Variants in CNTNAP2 observed in about 807,000 individuals in gnomAD.
CNTNAP2 encodes the protein contactin associated protein 2.
A neutral mutation model predicts 155.2 loss-of-function variants in CNTNAP2; 98 were observed. The ratio of observed to expected loss-of-function variants is 0.63; its 90% confidence interval spans 0.54 to 0.75. The LOEUF is 0.75. CNTNAP2 is among the 30% of genes least tolerant of loss of function. The pLI is 0.00. For synonymous variants in CNTNAP2, 651 were observed against 631.2 expected, an observed-to-expected ratio of 1.03 and a Z score of -0.47; for missense variants, 1,727 against 1,688.1, an observed-to-expected ratio of 1.02 and a Z score of -0.40.
At chr7:147,464,124 G>A (rs1172065952) in intron 10 of CNTNAP2, among the ~76,000 whole-genome samples, 6 of 152,100 alleles carry the variant, frequency 3.9e-5, no homozygotes, top group Admixed American at 3.3e-4. Flanking sequence ...AAGGATCTCT[G>A]ATTGGCAGCT....
At chr7:146,770,571 A>T (rs1240572760) in intron 1 of CNTNAP2, among the ~76,000 whole-genome samples, 1 of 151,912 alleles carries the variant, frequency 6.6e-6, no homozygotes, top group Admixed American at 6.6e-5. Flanking sequence ...AAAATTGCTT[A>T]TTGGCCCTGA....
At chr7:146,500,034 G>GT (rs894968454) in intron 1 of CNTNAP2, among the ~76,000 whole-genome samples, 1 of 152,072 alleles carries the variant, frequency 6.6e-6, no homozygotes, top group African/African-American at 2.4e-5. Flanking sequence ...TATTGCTAGT[G>GT]TTTTTTTATA....
At position 148,101,718 on chromosome 7, in the gene CNTNAP2, T is replaced by G. The variant is rs192653187; in HGVS notation, c.2384-16400T>G. The stretch of plus-strand genomic sequence containing the variant: ...AGAATGCAACATGTTTCAAAGCTGC[T>G]GTGCTCTGGGTGGCTGTCAGACTGT... On this transcript the variant is annotated intron_variant, in intron 15 of 23. Coordinates refer to ENST00000361727, the MANE Select transcript of CNTNAP2 (RefSeq NM_014141.6). Among the ~76,000 whole-genome samples, 749 of 152,200 alleles carry G rather than the reference T, an allele frequency of 4.9e-3. 5 individuals carry two copies. In the Middle Eastern group the frequency reaches 0.061, roughly 12 times the overall value.
chr7:146,802,555 C>G (rs989569953), intron 2 of CNTNAP2, among the ~76,000 whole-genome samples: 1 of 152,054 alleles, frequency 6.6e-6, no homozygotes, highest in Non-Finnish European at 1.5e-5. Flanking sequence ...TGAGTGAGTT[C>G]TCAGGAGATC....
At chr7:146,822,274 G>A (rs1184720010) in intron 2 of CNTNAP2, among the ~76,000 whole-genome samples, 4 of 151,982 alleles carry the variant, frequency 2.6e-5, no homozygotes, top group African/African-American at 7.3e-5. Context: ...TGAACAATGA[G>A]ATCACATGGA....
chr7:146,628,185 G>A (rs953692281), intron 1 of CNTNAP2, among the ~76,000 whole-genome samples: 7 of 152,106 alleles, frequency 4.6e-5, no homozygotes, highest in African/African-American at 1.7e-4. Flanking sequence ...ACCTCAGCAT[G>A]CAGACAATAT....
At chr7:146,650,624 G>A (rs1008929654) in intron 1 of CNTNAP2, among the ~76,000 whole-genome samples, 1 of 152,034 alleles carries the variant, frequency 6.6e-6, no homozygotes, top group African/African-American at 2.4e-5. Context: ...AAACCACCAC[G>A]CAGTTGTATA....
chr7:146,248,232 G>C (rs1799696262), intron 1 of CNTNAP2, among the ~76,000 whole-genome samples: 1 of 151,934 alleles, frequency 6.6e-6, no homozygotes, highest in African/African-American at 2.4e-5. Context: ...CCCTCCTCTA[G>C]AAAAGCAGGA....
At chr7:147,272,099 G>A (rs1050989222) in intron 8 of CNTNAP2, among the ~76,000 whole-genome samples, 84 of 152,108 alleles carry the variant, frequency 5.5e-4, no homozygotes, top group African/African-American at 1.9e-3. Flanking sequence ...CACCATGTTG[G>A]CCAGGCTGCT....
intron 15 of CNTNAP2, among the ~76,000 whole-genome samples, chr7:148,107,133 C>T (rs1376834604): frequency 2.6e-5 from 4 of 152,130 alleles, no homozygotes; most frequent in African/African-American, 4.8e-5. Flanking sequence ...TTTAAATGTA[C>T]CGAAATTACC....
intron 21 of CNTNAP2, among the ~76,000 whole-genome samples, chr7:148,317,665 G>A (rs190156164): frequency 1.3e-5 from 2 of 152,270 alleles, no homozygotes; most frequent in Non-Finnish European, 2.9e-5. Flanking sequence ...GCACAAGTTT[G>A]CTGTAACAGT....
intron 1 of CNTNAP2, among the ~76,000 whole-genome samples, chr7:146,307,093 G>T (rs994033387): frequency 2.0e-5 from 3 of 152,114 alleles, no homozygotes; most frequent in African/African-American, 7.2e-5. Context: ...CATCGTCTCA[G>T]CCCAAAATCT....
intron 19 of CNTNAP2, among the ~76,000 whole-genome samples, chr7:148,219,201 A>G (rs1254796680): frequency 6.6e-6 from 1 of 152,046 alleles, no homozygotes; most frequent in Non-Finnish European, 1.5e-5. Context: ...TGGCCTCCCA[A>G]AGTGCTGGGA....
chr7:147,872,271 T>A (rs1799339604), intron 13 of CNTNAP2, among the ~76,000 whole-genome samples: 1 of 152,228 alleles, frequency 6.6e-6, no homozygotes, highest in Admixed American at 6.5e-5. Flanking sequence ...ACTTTGTAAT[T>A]CTTCTTTTTA....
chr7:146,655,936 GA>G (rs938472422), intron 1 of CNTNAP2, among the ~76,000 whole-genome samples: 14 of 150,274 alleles, frequency 9.3e-5, no homozygotes, highest in South Asian at 2.1e-4. Context: ...CTAGAAATAG[GA>G]AAAAAAAATG....
intron 15 of CNTNAP2, among the ~76,000 whole-genome samples, chr7:148,075,287 A>C (rs1803463437): frequency 6.6e-6 from 1 of 152,206 alleles, no homozygotes. Flanking sequence ...AATTACAAAA[A>C]TTAGCCAAGC....
intron 1 of CNTNAP2, among the ~76,000 whole-genome samples, chr7:146,475,534 T>C (rs1480800303): frequency 6.6e-6 from 1 of 152,122 alleles, no homozygotes; most frequent in Admixed American, 6.5e-5. Context: ...GAGCCAGCCA[T>C]TGAGTGGTTT....
chr7:147,372,587 C>T (rs1563179734), intron 9 of CNTNAP2, among the ~76,000 whole-genome samples: 1 of 152,114 alleles, frequency 6.6e-6, no homozygotes. Flanking sequence ...GCACTCAATA[C>T]TCAGTATCAT....
intron 11 of CNTNAP2, among the ~76,000 whole-genome samples, chr7:147,522,557 A>G (rs1440056639): frequency 1.3e-5 from 2 of 152,164 alleles, no homozygotes; most frequent in Non-Finnish European, 2.9e-5. Context: ...TCAAGGGAGC[A>G]TATTAGAATT....
Sources: gnomAD v4.1 joint callset for allele counts (sites outside exome capture counted in the v4.1 genomes callset) on GRCh38, gnomAD v4.1.1 for gene constraint, MANE v1.5 for transcripts, NCBI Gene and HGNC (gene_info 2026-07-23, HGNC 2026-07-21) for gene names.